The following TNNT3 variants were observed in gnomAD, a reference collection of about 807,000 sequenced individuals.
The protein encoded by TNNT3 is troponin T, fast skeletal muscle.
Under a neutral mutation model 54.2 loss-of-function variants are expected in TNNT3, and 36 were observed. That is an observed-to-expected ratio of 0.66 (90% CI 0.51 to 0.88). The LOEUF (loss-of-function observed/expected upper bound fraction) is 0.88, where lower values mean the gene tolerates loss of function less well. TNNT3 is among the 40% of genes least tolerant of loss of function. The pLI, the probability that TNNT3 is intolerant of heterozygous loss-of-function variation, is 0.00. For missense variants in TNNT3, 291 were observed against 331.6 expected (o/e 0.88, Z 0.95); for synonymous variants, 120 against 109.7 (o/e 1.09, Z -0.59).
At chr11:1,923,483 T>G (rs1043662538) in intron 3 of TNNT3, 72 bp from the exon 4 acceptor site, 43 of 1,549,136 alleles carry the variant, frequency 2.8e-5, no homozygotes, top group Non-Finnish European at 3.8e-5. Context: ...CACACTGGCC[T>G]CTCATCCTCC....
chr11:1,936,993 G>A lies in TNNT3; in HGVS notation c.712G>A (p.Ala238Thr), dbSNP rs2133534730. Residue 238 changes from alanine to threonine, a missense_variant, in exon 15 of 16, where the codon GCC becomes ACC. Coordinates refer to ENST00000278317, the MANE Select transcript of TNNT3 (RefSeq NM_006757.4). ...ITTLRSRIDQ[A>T]QKHSKKAGTP... ...CACGCTCAGGAGCCGCATTGACCAG[G>A]CCCAGAAGCAGTGAGTAGCCCTGCC... 6.2e-7 allele frequency: 1 copy of A among 1,605,486 alleles called. No individual in the cohort carries two copies. Among genetic ancestry groups the A allele is most frequent in the East Asian group, 2.2e-5 (1 of 44,598 alleles).
At chr11:1,936,496 C>T (rs900326156) in intron 14 of TNNT3, among the ~76,000 whole-genome samples, 2 of 152,196 alleles carry the variant, frequency 1.3e-5, no homozygotes, top group Non-Finnish European at 2.9e-5. Flanking sequence ...CCAGCAGCGG[C>T]CACAGAGTGC....
chr11:1,938,282 G>A, intron 15 of TNNT3, 156 bp from the exon 16 acceptor site: 5 of 815,106 alleles, frequency 6.1e-6, no homozygotes, highest in Non-Finnish European at 1.1e-5. Flanking sequence ...AGTGGGCACT[G>A]CCCGGACTGA....
In TNNT3 at chr11:1,925,202, G is replaced by T. The variant is rs1451233401; in HGVS notation, c.67+86G>T. 5 of 1,578,004 alleles carry T rather than the reference G, an allele frequency of 3.2e-6. No homozygotes were observed. In the East Asian group the frequency reaches 1.1e-4, roughly 36 times the overall value. ...AAGTTGACCTCCACCCCGCCTCTAA[G>T]GATTGCTGTGTGCCCCTGTCTAACC... is the stretch of plus-strand genomic sequence containing the variant. On this transcript the variant is annotated intron_variant, in intron 5 of 15. Coordinates refer to ENST00000278317, the MANE Select transcript of TNNT3 (RefSeq NM_006757.4).
chr11:1,930,701 G>C (rs546665269), intron 8 of TNNT3, among the ~76,000 whole-genome samples: 1 of 152,208 alleles, frequency 6.6e-6, no homozygotes, highest in Non-Finnish European at 1.5e-5. Context: ...GAGCATTGCA[G>C]ATTCTCAGAA....
chr11:1,934,063 G>T (rs1396006413), intron 11 of TNNT3, 55 bp downstream of exon 11: 1 of 1,547,648 alleles, frequency 6.5e-7, no homozygotes, highest in African/African-American at 1.4e-5. Context: ...CAGGCCCAGA[G>T]AAATGCAGGG....
At chr11:1,928,508 T>C (rs1203362509) in intron 6 of TNNT3, among the ~76,000 whole-genome samples, 1 of 152,076 alleles carries the variant, frequency 6.6e-6, no homozygotes, top group Non-Finnish European at 1.5e-5. Context: ...GCGCCTGGGC[T>C]CCTGGCCTGT....
rs1000472710 is a variant in TNNT3, at chr11:1,922,784, A to G, written c.-18-73A>G. On this transcript the variant is annotated intron_variant, in intron 1 of 15. Transcript: ENST00000278317. ...GCGCTGCTCCAAGACCCCATCCCCC[A>G]TCCTACACCCAGGCAGCTCGTAACT... 7.4e-6 allele frequency: 11 copies of G among 1,484,422 alleles called. No homozygotes were observed. The Admixed American group carries it at 1.5e-4, about 20-fold the overall frequency. 92.0% of individuals were successfully genotyped at this position (1,484,422 alleles called of 1,614,324 possible). A position where few individuals can be genotyped will look rare whatever the true frequency, so the allele number is the denominator to read the frequency against.
chr11:1,928,606 G>C (rs61868808), intron 6 of TNNT3, among the ~76,000 whole-genome samples: 1 of 152,152 alleles, frequency 6.6e-6, no homozygotes, highest in Non-Finnish European at 1.5e-5. Flanking sequence ...GTTGCCGGCA[G>C]AGGCTCCTGA....
rs565508467 is a variant in TNNT3, at chr11:1,936,048, T to C, written c.682-915T>C. Among the ~76,000 whole-genome samples the C allele has an allele frequency of 1.1e-3, 168 of 152,252 alleles. 1 individual carries two copies. The highest frequency in any genetic ancestry group is 3.9e-3 in the African/African-American group (162 of 41,552). The stretch of plus-strand genomic sequence containing the variant: ...GGACCCAGGTCCTTCCCATGCTGTG[T>C]TCCCAGAGCTGAATCAGGGACCCAC... On this transcript the variant is annotated intron_variant, in intron 14 of 15. Coordinates refer to ENST00000278317, the MANE Select transcript of TNNT3 (RefSeq NM_006757.4).
intron 1 of TNNT3, among the ~76,000 whole-genome samples, chr11:1,920,334 T>A (rs1215657546): frequency 6.6e-6 from 1 of 152,158 alleles, no homozygotes; most frequent in Non-Finnish European, 1.5e-5. Context: ...CCACGCAGCC[T>A]TGGGGGCCAG....
At chr11:1,934,789 G>T in intron 13 of TNNT3, 40 bp from the exon 14 acceptor site, 1 of 1,606,774 alleles carries the variant, frequency 6.2e-7, no homozygotes, top group Non-Finnish European at 8.5e-7. Flanking sequence ...CCTGCCTTTG[G>T]GGCTTATTCA....
intron 14 of TNNT3, 112 bp from the exon 15 acceptor site, chr11:1,936,851 G>A: frequency 8.8e-7 from 1 of 1,135,318 alleles, no homozygotes; most frequent in South Asian, 1.3e-5. Context: ...TGGGGGCCCA[G>A]CAGCCCTGGG....
At chr11:1,925,342 G>T (rs1319383556) in intron 5 of TNNT3, 11 of 1,530,092 alleles carry the variant, frequency 7.2e-6, no homozygotes, top group Non-Finnish European at 9.7e-6. Flanking sequence ...CCATGTGGGG[G>T]TGGGGGAGAG....
chr11:1,921,239 G>C (rs1387819684), intron 1 of TNNT3: 1 of 152,242 alleles, frequency 6.6e-6, no homozygotes, highest in Non-Finnish European at 1.5e-5. Context: ...CCCCAGGCGA[G>C]GGCCACGCTG....
At chr11:1,936,846 G>A (rs1276773257) in intron 14 of TNNT3, 117 bp from the exon 15 acceptor site, 2 of 1,045,362 alleles carry the variant, frequency 1.9e-6, no homozygotes, top group Non-Finnish European at 2.9e-6. Flanking sequence ...CCTCATGGGG[G>A]CCCAGCAGCC....
chr11:1,931,630 T>C (rs891835391), intron 8 of TNNT3, among the ~76,000 whole-genome samples: 6 of 152,200 alleles, frequency 3.9e-5, no homozygotes, highest in African/African-American at 1.4e-4. Flanking sequence ...CTCTGTGTTT[T>C]CTTAGTCATC....
At chr11:1,929,250 G>A (rs1852570705) in intron 7 of TNNT3, 107 bp downstream of exon 7, 1 of 1,363,540 alleles carries the variant, frequency 7.3e-7, no homozygotes, top group African/African-American at 1.4e-5. Flanking sequence ...TCCTCCCTCT[G>A]TCCTCTTTCT....
intron 5 of TNNT3, among the ~76,000 whole-genome samples, chr11:1,925,642 G>A (rs909956485): frequency 1.3e-5 from 2 of 152,236 alleles, no homozygotes; most frequent in East Asian, 1.9e-4. Flanking sequence ...TGGTGGCGTC[G>A]ACCCCTGGGC....
Sources: gnomAD v4.1 joint callset for allele counts (sites outside exome capture counted in the v4.1 genomes callset) on GRCh38, gnomAD v4.1.1 for gene constraint, MANE v1.5 for transcripts, NCBI Gene and HGNC (gene_info 2026-07-23, HGNC 2026-07-21) for gene names.